The following EPS15 variants were observed in gnomAD, a reference collection of about 807,000 sequenced individuals.
The protein encoded by EPS15 is epidermal growth factor receptor pathway substrate 15, also known as epidermal growth factor receptor substrate 15.
Under a neutral mutation model 113.8 loss-of-function variants are expected in EPS15, and 72 were observed. That is an observed-to-expected ratio of 0.63 (90% CI 0.52 to 0.77). EPS15 has a LOEUF of 0.77. EPS15 is among the 30% of genes least tolerant of loss of function. The probability of loss-of-function intolerance (pLI) is 0.00; values close to 1 mark genes in which losing one functional copy is unlikely to be tolerated. For missense variants in EPS15, 1,048 were observed against 1,045.8 expected (o/e 1.00, Z -0.03); for synonymous variants, 344 against 363.4 (o/e 0.95, Z 0.61).
intron 21 of EPS15, among the ~76,000 whole-genome samples, chr1:51,379,198 C>A (rs918920716): frequency 6.6e-6 from 1 of 152,170 alleles, no homozygotes; most frequent in Non-Finnish European, 1.5e-5. Flanking sequence ...TGGCTTACTG[C>A]AACCTCTGCC....
chr1:51,374,055 A>G (rs558878424), intron 21 of EPS15, among the ~76,000 whole-genome samples: 1 of 152,360 alleles, frequency 6.6e-6, no homozygotes, highest in South Asian at 2.1e-4. Flanking sequence ...CTAAGTAAAT[A>G]CATGAACACA....
chr1:51,359,623 G>A (rs190775101), intron 24 of EPS15, among the ~76,000 whole-genome samples: 3,169 of 148,438 alleles, frequency 0.021, 50 homozygotes, highest in Non-Finnish European at 0.031. Flanking sequence ...GCCAGGTGTG[G>A]TGGGTATGCC....
At chr1:51,407,200 T>C (rs1375205606) in intron 15 of EPS15, among the ~76,000 whole-genome samples, 1 of 152,172 alleles carries the variant, frequency 6.6e-6, no homozygotes, top group African/African-American at 2.4e-5. Context: ...CCTTTTTTTT[T>C]TAGTTTTTAT....
intron 1 of EPS15, among the ~76,000 whole-genome samples, chr1:51,511,220 C>T (rs945371564): frequency 2.0e-5 from 3 of 151,624 alleles, no homozygotes; most frequent in Non-Finnish European, 2.9e-5. Context: ...TTTGGCCGGG[C>T]GCAGTGGCTC....
chr1:51,500,858 C>G (rs1282869965), intron 1 of EPS15, among the ~76,000 whole-genome samples: 2 of 151,814 alleles, frequency 1.3e-5, no homozygotes, highest in South Asian at 2.1e-4. Flanking sequence ...GTGGCACACA[C>G]CTGTAATCCC....
At chr1:51,455,540 A>G (rs1653931639) in intron 8 of EPS15, among the ~76,000 whole-genome samples, 1 of 152,146 alleles carries the variant, frequency 6.6e-6, no homozygotes, top group East Asian at 1.9e-4. Flanking sequence ...CGGTGAGCCG[A>G]AATCACACTA....
chr1:51,493,424 C>T (rs1459472731), intron 1 of EPS15, among the ~76,000 whole-genome samples: 7 of 150,476 alleles, frequency 4.7e-5, no homozygotes, highest in Middle Eastern at 3.4e-3. Flanking sequence ...ACTCTGGAGG[C>T]TGAGGCAGGA....
At chr1:51,501,275 G>A (rs1436504152) in intron 1 of EPS15, among the ~76,000 whole-genome samples, 4 of 151,468 alleles carry the variant, frequency 2.6e-5, no homozygotes, top group African/African-American at 9.7e-5. Context: ...AGGCATGGTG[G>A]CAGGCCCCTG....
intron 22 of EPS15, among the ~76,000 whole-genome samples, chr1:51,364,319 A>G (rs1646457718): frequency 6.6e-6 from 1 of 152,172 alleles, no homozygotes; most frequent in South Asian, 2.1e-4. Flanking sequence ...TTCAATGCAA[A>G]AACCACCTGA....
chr1:51,361,458 G>A, intron 23 of EPS15, 103 bp from the exon 24 acceptor site: 1 of 813,672 alleles, frequency 1.2e-6, no homozygotes, highest in South Asian at 1.8e-5. Context: ...GGTAGAGGAT[G>A]ATTGAGTACC....
chr1:51,439,504 G>A (rs938342694), intron 12 of EPS15, among the ~76,000 whole-genome samples: 1 of 151,992 alleles, frequency 6.6e-6, no homozygotes, highest in Non-Finnish European at 1.5e-5. Flanking sequence ...AGACTGGTGT[G>A]AATATTTAGA....
intron 1 of EPS15, among the ~76,000 whole-genome samples, chr1:51,503,192 G>T (rs1021349896): frequency 1.3e-5 from 2 of 152,108 alleles, no homozygotes; most frequent in Non-Finnish European, 2.9e-5. Flanking sequence ...AGAAGACCTT[G>T]TTAAGATAAT....
intron 20 of EPS15, among the ~76,000 whole-genome samples, chr1:51,395,268 C>T (rs942380678): frequency 2.0e-5 from 3 of 152,112 alleles, no homozygotes; most frequent in Non-Finnish European, 2.9e-5. Context: ...AATTATAGTA[C>T]ATCTATTAAA....
At chr1:51,469,133 AAC>A (rs1655065929) in intron 4 of EPS15, among the ~76,000 whole-genome samples, 3 of 152,214 alleles carry the variant, frequency 2.0e-5, no homozygotes, top group Admixed American at 2.0e-4. Context: ...GTCTCAAAAA[AAC>A]AGACAAACCA....
intron 1 of EPS15, among the ~76,000 whole-genome samples, chr1:51,510,944 T>A (rs1397710633): frequency 2.0e-5 from 3 of 151,950 alleles, no homozygotes; most frequent in Non-Finnish European, 2.9e-5. Flanking sequence ...GGAGGGAGGA[T>A]CACCTGAGGT....
chr1:51,390,406 C>G (rs545288549), intron 21 of EPS15, among the ~76,000 whole-genome samples: 70 of 152,256 alleles, frequency 4.6e-4, no homozygotes, highest in African/African-American at 1.6e-3. Flanking sequence ...TAGGCATGGG[C>G]AAGGACTTCA....
intron 1 of EPS15, among the ~76,000 whole-genome samples, chr1:51,517,784 A>C (rs933849121): frequency 6.6e-6 from 1 of 152,222 alleles, no homozygotes; most frequent in African/African-American, 2.4e-5. Context: ...AAAAACTGGG[A>C]AATAGACTTT....
At chr1:51,383,754 G>C (rs547633355) in intron 21 of EPS15, among the ~76,000 whole-genome samples, 1 of 152,028 alleles carries the variant, frequency 6.6e-6, no homozygotes, top group African/African-American at 2.4e-5. Context: ...AAGCACTTAG[G>C]CAAGAAAAAG....
At chr1:51,494,940 C>A (rs1229156550) in intron 1 of EPS15, among the ~76,000 whole-genome samples, 1 of 152,230 alleles carries the variant, frequency 6.6e-6, no homozygotes, top group East Asian at 1.9e-4. Context: ...CAATTCAACT[C>A]ATAACAATCA....
Sources: gnomAD v4.1 joint callset for allele counts (sites outside exome capture counted in the v4.1 genomes callset) on GRCh38, gnomAD v4.1.1 for gene constraint, MANE v1.5 for transcripts, NCBI Gene and HGNC (gene_info 2026-07-23, HGNC 2026-07-21) for gene names.